BTBD2: variants seen among roughly 807,000 people sequenced by gnomAD.
The protein encoded by BTBD2 is BTB/POZ domain-containing protein 2.
BTBD2 carries 15 observed loss-of-function variants against 44.0 expected under a neutral mutation model. That is an observed-to-expected ratio of 0.34 (90% CI 0.23 to 0.53). The LOEUF (loss-of-function observed/expected upper bound fraction) is 0.53, where lower values mean the gene tolerates loss of function less well. BTBD2 is among the 20% of genes least tolerant of loss of function. The pLI, the probability that BTBD2 is intolerant of heterozygous loss-of-function variation, is 0.95. For synonymous variants in BTBD2, 443 were observed against 335.9 expected (o/e 1.32, Z -3.49); for missense variants, 657 against 746.4 (o/e 0.88, Z 1.39).
Position 1,986,802 on chromosome 19 carries a change from G to A in BTBD2, c.1416+28C>T, listed in dbSNP as rs201458978. On this transcript the variant is annotated intron_variant, in intron 8 of 8. Transcript: ENST00000255608. ...TTCAGGATGGGCCAGAGACTCCCAC[G>A]GAGGGACCCCTGTCCCCGGCGGCGC... 2.4e-4 allele frequency: 376 copies of A among 1,587,120 alleles called. 3 individuals carry two copies. The African/African-American group carries it at 2.9e-3, about 12-fold the overall frequency.
At chr19:1,995,797 C>T (rs905770226) in intron 2 of BTBD2, among the ~76,000 whole-genome samples, 19 of 152,042 alleles carry the variant, frequency 1.2e-4, no homozygotes, top group Admixed American at 3.3e-4. Context: ...CCACCATGCC[C>T]GGCTAATTTT....
chr19:1,986,432 T>C lies in BTBD2; in HGVS notation c.*56A>G, dbSNP rs2016082459. ...GTGGGGGGGCCCCAGCAGCAGATGA[T>C]GGCCTGGGGCTGCGGCTATCCCCAC... On this transcript the variant is annotated 3_prime_UTR_variant, in exon 9 of 9. Coordinates refer to ENST00000255608, the MANE Select transcript of BTBD2 (RefSeq NM_017797.4). 1.9e-6 allele frequency: 3 copies of C among 1,595,964 alleles called. No homozygotes were observed. The highest frequency in any genetic ancestry group is 3.4e-5 in the Admixed American group (2 of 59,420).
At chr19:2,002,382 G>C (rs77390891) in intron 1 of BTBD2, among the ~76,000 whole-genome samples, 329 of 152,326 alleles carry the variant, frequency 2.2e-3, no homozygotes, top group Non-Finnish European at 3.5e-3. Flanking sequence ...TGTATTTCTC[G>C]AAGTTCTGTA....
chr19:1,993,547 C>T (rs375453634), intron 2 of BTBD2, among the ~76,000 whole-genome samples: 43 of 152,058 alleles, frequency 2.8e-4, no homozygotes, highest in African/African-American at 9.9e-4. Context: ...GTTGGTTCCC[C>T]ACCTCGGGCA....
At chr19:2,005,679 G>C (rs1347550622) in intron 1 of BTBD2, among the ~76,000 whole-genome samples, 1 of 151,728 alleles carries the variant, frequency 6.6e-6, no homozygotes, top group Admixed American at 6.6e-5. Context: ...CTACTAAGGA[G>C]GCTGAGACAG....
At position 1,986,662 on chromosome 19, in the gene BTBD2, G is replaced by A. The variant is rs1322625173; in HGVS notation, c.1417-13C>T. 5.6e-6 allele frequency: 9 copies of A among 1,612,168 alleles called. No homozygotes were observed. Among genetic ancestry groups the A allele is most frequent in the Non-Finnish European group, 7.6e-6 (9 of 1,178,772 alleles). ...GGGAGTCTGGGCCCTGTAGGGAATA[G>A]GGGTACAGTGAGGTCAAGGACCACC... On this transcript the variant is annotated splice_polypyrimidine_tract_variant and intron_variant, in intron 8 of 8. Transcript: ENST00000255608.
chr19:2,003,969 T>C (rs1038435519), intron 1 of BTBD2, among the ~76,000 whole-genome samples: 1 of 151,940 alleles, frequency 6.6e-6, no homozygotes, highest in African/African-American at 2.4e-5. Flanking sequence ...AGGAAATTCC[T>C]TGCAGACAAA....
chr19:1,987,109 G>T, intron 7 of BTBD2, 57 bp downstream of exon 7: 1 of 1,597,026 alleles, frequency 6.3e-7, no homozygotes, highest in South Asian at 1.1e-5. Context: ...GTTCCATGGA[G>T]GTGGAGAGAG....
chr19:2,004,985 A>C (rs188055597), intron 1 of BTBD2, among the ~76,000 whole-genome samples: 3 of 151,608 alleles, frequency 2.0e-5, no homozygotes, highest in African/African-American at 7.3e-5. Flanking sequence ...ACGCCCGGCT[A>C]ATTTTTTTGT....
chr19:2,000,774 G>T (rs149661244), intron 1 of BTBD2, among the ~76,000 whole-genome samples: 1 of 152,080 alleles, frequency 6.6e-6, no homozygotes, highest in Non-Finnish European at 1.5e-5. Flanking sequence ...TCCCAACTCC[G>T]AACGGGGGAA....
Position 1,997,406 on chromosome 19 carries a change from G to A in BTBD2, c.465C>T (p.Ala155=), listed in dbSNP as rs1343364034. The change falls in exon 2 of 9, where the codon GCC becomes GCT. Residue 155 remains alanine, a synonymous_variant. Coordinates refer to ENST00000255608, the MANE Select transcript of BTBD2 (RefSeq NM_017797.4). ...GCAGCTCAATCTCCGTGGATGTTGTGGCCATTCCCCCGTTGAACATGGCAT... is the reference window on the plus strand; with the variant it reads ...GCAGCTCAATCTCCGTGGATGTTGTAGCCATTCCCCCGTTGAACATGGCAT... ...VFDAMFNGGM[A]TTSTEIELPD... The A allele has an allele frequency of 6.2e-7, 1 of 1,614,180 alleles. No individual in the cohort carries two copies. The highest frequency in any genetic ancestry group is 1.7e-5 in the Admixed American group (1 of 60,000).
chr19:1,987,118 A>G, intron 7 of BTBD2, 48 bp downstream of exon 7: 1 of 1,599,844 alleles, frequency 6.3e-7, no homozygotes, highest in Non-Finnish European at 8.6e-7. Context: ...AGGTGGAGAG[A>G]GGACATGGGC....
intron 2 of BTBD2, among the ~76,000 whole-genome samples, chr19:1,993,858 G>A (rs139185790): frequency 0.015 from 2,255 of 151,632 alleles, 20 homozygotes; most frequent in Admixed American, 0.026. Context: ...TTAGCTGGGC[G>A]TGGTGGTGGG....
rs1397966112 is a variant in BTBD2, at chr19:2,015,597, G to C, written c.107C>G (p.Pro36Arg). Residue 36 changes from proline (P) to arginine (R), a missense_variant, in exon 1 of 9, where the codon CCG becomes CGG. Pro to Arg is a moderately radical substitution (Grantham distance 103). Transcript: ENST00000255608. ...GGCGGCGGCCGCGTTGCCGGGGGCC[G>C]GGGTGGCGGCGGCGTTGGCGCTGGG... Reference protein sequence around the residue: ...PGPSANAAATPAPGNAAAAAA... With the variant: ...PGPSANAAATRAPGNAAAAAA... 6 of 970,428 alleles carry C rather than the reference G, an allele frequency of 6.2e-6. No individual in the cohort carries two copies. The highest frequency in any genetic ancestry group is 3.7e-5 in the African/African-American group (2 of 54,418). 60.1% of individuals were successfully genotyped at this position (970,428 alleles called of 1,614,324 possible). A position where few individuals can be genotyped will look rare whatever the true frequency, so the allele number is the denominator to read the frequency against.
intron 1 of BTBD2, chr19:2,013,688 A>G (rs1314052838): frequency 1.0e-6 from 1 of 983,232 alleles, no homozygotes; most frequent in Non-Finnish European, 1.2e-6. Context: ...GTAGTCTATG[A>G]TCTGGACTGC....
In BTBD2 at chr19:2,001,165, T is replaced by C. The variant is rs544229810; in HGVS notation, c.408-3702A>G. On this transcript the variant is annotated intron_variant, in intron 1 of 8. Coordinates refer to ENST00000255608, the MANE Select transcript of BTBD2 (RefSeq NM_017797.4). ...CAGGTGTGGTGGTGGACACCTGTAG[T>C]CCCAGCTACTCAGGAGGCTGAGGCA... is the stretch of plus-strand genomic sequence containing the variant. Among the ~76,000 whole-genome samples the C allele has an allele frequency of 2.0e-5, 3 of 151,774 alleles. No individual in the cohort carries two copies. The East Asian group carries it at 5.8e-4, about 29-fold the overall frequency.
intron 2 of BTBD2, among the ~76,000 whole-genome samples, chr19:1,994,337 A>T (rs548309226): frequency 6.6e-6 from 1 of 151,970 alleles, no homozygotes; most frequent in South Asian, 2.1e-4. Flanking sequence ...AAAAAATAAA[A>T]AAATGTCTCC....
intron 3 of BTBD2, chr19:1,991,424 C>T (rs2016176943): frequency 6.5e-6 from 1 of 152,992 alleles, no homozygotes; most frequent in Non-Finnish European, 1.5e-5. Context: ...GGGCATCCTC[C>T]CGAGGACACC....
At chr19:1,995,678 C>T (rs1245841947) in intron 2 of BTBD2, among the ~76,000 whole-genome samples, 2 of 151,068 alleles carry the variant, frequency 1.3e-5, no homozygotes, top group African/African-American at 4.9e-5. Context: ...GCTCTGTCGC[C>T]CAGGCTGGAG....
Sources: gnomAD v4.1 joint callset for allele counts (sites outside exome capture counted in the v4.1 genomes callset) on GRCh38, gnomAD v4.1.1 for gene constraint, MANE v1.5 for transcripts, NCBI Gene and HGNC (gene_info 2026-07-23, HGNC 2026-07-21) for gene names.